NUP50: variants seen among roughly 807,000 people sequenced by gnomAD.
The protein encoded by NUP50 is nuclear pore complex protein Nup50.
Under a neutral mutation model 36.8 loss-of-function variants are expected in NUP50, and 14 were observed. The ratio of observed to expected loss-of-function variants is 0.38; its 90% CI spans 0.25 to 0.59. The LOEUF is 0.59. NUP50 is among the 20% of genes least tolerant of loss of function. NUP50 has a pLI of 0.63. For missense variants in NUP50, 455 were observed against 564.6 expected, an observed-to-expected ratio of 0.81 and a Z score of 1.97; for synonymous variants, 195 against 210.8, an observed-to-expected ratio of 0.93 and a Z score of 0.65.
rs979715019 is a variant in NUP50 at position 45,186,811 on chromosome 22, T to C, written c.*2156T>C. ...TGATATTTTCTTAAAATCACTCTTT[T>C]ATGCTTTAGGAACTGGTTGGTCTCC... On this transcript the variant is annotated 3_prime_UTR_variant, in exon 8 of 8. Coordinates refer to ENST00000347635, the MANE Select transcript of NUP50 (RefSeq NM_007172.4). 303 of 152,766 alleles carry C rather than the reference T, an allele frequency of 2.0e-3. 2 individuals are homozygous for C. The highest frequency in any genetic ancestry group is 7.3e-4 in the Non-Finnish European group (50 of 68,044). 9.5% of individuals were successfully genotyped at this position (152,766 alleles called of 1,614,324 possible). A position where few individuals can be genotyped will look rare whatever the true frequency, so the allele number is the denominator to read the frequency against.
intron 1 of NUP50, chr22:45,164,859 C>G (rs1601762031): frequency 6.5e-6 from 1 of 152,946 alleles, no homozygotes; most frequent in East Asian, 1.9e-4. Context: ...CGTCTCTCTT[C>G]TCTTGGGCGC....
intron 6 of NUP50, 86 bp from the exon 7 acceptor site, chr22:45,183,316 C>A: frequency 1.3e-6 from 1 of 767,098 alleles, no homozygotes; most frequent in Non-Finnish European, 2.3e-6. Flanking sequence ...AGATTTTCCA[C>A]ACAAGTGTGA....
In NUP50 at chr22:45,181,345, G is replaced by A; in HGVS notation, c.1063G>A (p.Glu355Lys). The part of the protein sequence containing the change: ...PKVVVTEVKE[E>K]DAFYSKKCKL... The stretch of plus-strand genomic sequence containing the variant: ...AGTAGTAGTTACCGAAGTAAAAGAA[G>A]AAGATGCTTTTTACTCCAAAAAGTA... Residue 355 changes from glutamate (E) to lysine (K), a missense_variant, in exon 6 of 8, where the codon GAA (glutamate) becomes AAA (lysine). Transcript: ENST00000347635. The A allele has an allele frequency of 6.3e-7, 1 of 1,590,856 alleles. No homozygotes were observed. The highest frequency in any genetic ancestry group is 1.1e-5 in the South Asian group (1 of 87,130).
At chr22:45,180,965 T>C (rs2074359563) in intron 5 of NUP50, among the ~76,000 whole-genome samples, 3 of 151,216 alleles carry the variant, frequency 2.0e-5, no homozygotes, top group African/African-American at 7.3e-5. Flanking sequence ...AGTGGGTAAT[T>C]TGCATATAGA....
At chr22:45,168,111 T>C (rs2074123529) in intron 1 of NUP50, 57 bp from the exon 2 acceptor site, 2 of 1,324,020 alleles carry the variant, frequency 1.5e-6, no homozygotes, top group Non-Finnish European at 2.1e-6. Context: ...TTTTTAAAAT[T>C]CTTTATAAGA....
chr22:45,175,529 G>A (rs765036074), intron 3 of NUP50, among the ~76,000 whole-genome samples: 12 of 152,202 alleles, frequency 7.9e-5, no homozygotes, highest in Non-Finnish European at 1.5e-4. Flanking sequence ...AGTAGTACAT[G>A]AAGTATCTTT....
chr22:45,164,560 C>CTAGAGGT (rs1366002431), intron 1 of NUP50: 1 of 149,402 alleles, frequency 6.7e-6, no homozygotes, highest in Non-Finnish European at 1.5e-5. Context: ...GGGTACAGGG[C>CTAGAGGT]TAGAGGTCGG....
chr22:45,165,131 G>GT (rs1012177352), intron 1 of NUP50, among the ~76,000 whole-genome samples: 1 of 152,116 alleles, frequency 6.6e-6, no homozygotes, highest in African/African-American at 2.4e-5. Context: ...CACAAATAAT[G>GT]TTTTTTTCCA....
intron 6 of NUP50, 61 bp downstream of exon 6, chr22:45,181,428 C>A: frequency 2.8e-6 from 3 of 1,070,502 alleles, no homozygotes; most frequent in Non-Finnish European, 4.0e-6. Flanking sequence ...ATGCTTCAGG[C>A]TGGAGAATGT....
intron 5 of NUP50, among the ~76,000 whole-genome samples, chr22:45,180,799 C>A (rs947895387): frequency 1.3e-5 from 2 of 151,610 alleles, no homozygotes; most frequent in African/African-American, 4.9e-5. Flanking sequence ...AAATTACTTA[C>A]ACTGGGGCTT....
chr22:45,178,559 C>T lies in NUP50; in HGVS notation c.662C>T (p.Ser221Phe). 6.2e-7 allele frequency: 1 copy of T among 1,612,032 alleles called. No individual in the cohort carries two copies. Residue 221 changes from serine to phenylalanine, a missense_variant, in exon 5 of 8, where the codon TCT (serine) becomes TTT (phenylalanine). Coordinates refer to ENST00000347635, the MANE Select transcript of NUP50 (RefSeq NM_007172.4). ...ESNKVAAETQSPSLFGSTKLQ... is the reference protein window; with the variant it reads ...ESNKVAAETQFPSLFGSTKLQ... ...AACAAAGTGGCAGCTGAAACACAGT[C>T]TCCTTCCCTTTTTGGCTCAACAAAA...
chr22:45,165,627 A>G (rs1243871817), intron 1 of NUP50, among the ~76,000 whole-genome samples: 1 of 152,198 alleles, frequency 6.6e-6, no homozygotes, highest in Non-Finnish European at 1.5e-5. Flanking sequence ...CTGAAGTGTC[A>G]TGCTTTGAAA....
chr22:45,169,411 G>T (rs1427116012), intron 2 of NUP50, among the ~76,000 whole-genome samples: 1 of 152,168 alleles, frequency 6.6e-6, no homozygotes, highest in African/African-American at 2.4e-5. Context: ...TAGGATGTGG[G>T]CGAAGGATTA....
Position 45,168,069 on chromosome 22 carries a change from G to C in NUP50, c.-10-99G>C, listed in dbSNP as rs1056157251. The C allele has an allele frequency of 5.9e-6, 5 of 854,508 alleles. No individual in the cohort carries two copies. In the African/African-American group the frequency reaches 8.8e-5, roughly 15 times the overall value. 52.9% of individuals were successfully genotyped at this position (854,508 alleles called of 1,614,324 possible). ...TTTTTTCCCTGATAAAAAAACCAGA[G>C]ATGTTTTTATCTCACTTCATGCTAG... On this transcript the variant is annotated intron_variant, in intron 1 of 7. Coordinates refer to ENST00000347635, the MANE Select transcript of NUP50 (RefSeq NM_007172.4).
rs927641106 is a variant in NUP50 at position 45,186,679 on chromosome 22, GCTTC to G, written c.*2028_*2031del. ...ATTTTTAAATTAGTAGGTATGTGTG[GCTTC>G]CTTTTTTCCTAACATTCCCAGCAAA... On this transcript the variant is annotated 3_prime_UTR_variant, in exon 8 of 8. Coordinates refer to ENST00000347635, the MANE Select transcript of NUP50 (RefSeq NM_007172.4). The G allele has an allele frequency of 2.0e-5, 3 of 152,618 alleles. No individual in the cohort carries two copies. Among genetic ancestry groups the G allele is most frequent in the Non-Finnish European group, 4.4e-5 (3 of 68,042 alleles). The allele number at this position is 152,618 out of a possible 1,614,324, so 9.5% of individuals were successfully genotyped here.
chr22:45,170,972 T>A, intron 2 of NUP50: 1 of 1,303,578 alleles, frequency 7.7e-7, no homozygotes, highest in Non-Finnish European at 1.0e-6. Context: ...AGAAATATTT[T>A]ATTCCGACCC....
intron 3 of NUP50, among the ~76,000 whole-genome samples, chr22:45,173,685 A>G (rs965784853): frequency 6.6e-6 from 1 of 152,156 alleles, no homozygotes; most frequent in African/African-American, 2.4e-5. Flanking sequence ...AGTGAGAAAC[A>G]AAGCTCACTG....
At chr22:45,183,669 C>G in intron 7 of NUP50, 149 bp downstream of exon 7, 1 of 630,696 alleles carries the variant, frequency 1.6e-6, no homozygotes, top group Admixed American at 2.6e-5. Flanking sequence ...AGTTTTGAGT[C>G]CCAGGATAAT....
intron 1 of NUP50, among the ~76,000 whole-genome samples, chr22:45,165,530 A>G (rs1023681732): frequency 6.6e-6 from 1 of 152,244 alleles, no homozygotes; most frequent in Non-Finnish European, 1.5e-5. Context: ...GCTAGACATA[A>G]GACTCCAGGT....
Sources: allele counts gnomAD v4.1 joint callset (sites outside exome capture counted in the v4.1 genomes callset), GRCh38; gene constraint gnomAD v4.1.1; transcripts MANE v1.5; gene names NCBI Gene and HGNC (gene_info 2026-07-23, HGNC 2026-07-21).